LPP: variants seen among roughly 807,000 people sequenced by gnomAD.
LPP encodes the protein lipoma-preferred partner.
LPP carries 38 observed loss-of-function variants against 60.4 expected under a neutral mutation model. The observed-to-expected ratio is 0.63, with a 90% CI of 0.49 to 0.83. LPP has a LOEUF of 0.83. Among genes scored for constraint, LPP ranks in the 40% least tolerant of loss-of-function variants. LPP has a pLI of 0.00. For synonymous variants in LPP, 328 were observed against 290.8 expected, an observed-to-expected ratio of 1.13 and a Z score of -1.30; for missense variants, 902 against 783.6, an observed-to-expected ratio of 1.15 and a Z score of -1.80.
chr3:188,178,515 T>C (rs1723778623), intron 1 of LPP: 1 of 152,280 alleles, frequency 6.6e-6, no homozygotes, highest in Non-Finnish European at 1.5e-5. Flanking sequence ...ATGTTTGTCT[T>C]CTGCCCATTG....
chr3:188,786,505 A>T (rs551932722), intron 9 of LPP, among the ~76,000 whole-genome samples: 1 of 152,006 alleles, frequency 6.6e-6, no homozygotes, highest in Admixed American at 6.6e-5. Flanking sequence ...CATTCTAGAG[A>T]AAGTTTTGGG....
intron 1 of LPP, among the ~76,000 whole-genome samples, chr3:188,203,549 A>T (rs1481545699): frequency 4.8e-5 from 4 of 84,008 alleles, no homozygotes; most frequent in East Asian, 9.9e-4. Flanking sequence ...ATATATATAT[A>T]TTTTTAAATA....
chr3:188,352,330 C>T lies in LPP; in HGVS notation c.-10+10611C>T, dbSNP rs1169019273. Among the ~76,000 whole-genome samples the T allele has an allele frequency of 6.6e-6, 1 of 152,184 alleles. No homozygotes were observed. The highest frequency in any genetic ancestry group is 6.5e-5 in the Admixed American group (1 of 15,278). On this transcript the variant is annotated intron_variant, in intron 3 of 11. Coordinates refer to ENST00000617246, the MANE Select transcript of LPP (RefSeq NM_001375462.1). This position sits in a 1 kb window ranked among gnomAD's most constrained non-coding sequence, Gnocchi z 4.4. The stretch of plus-strand genomic sequence containing the variant: ...CACACGTATTGGCTGCTTTTTCTCC[C>T]CACCTTTGGCAGCTTGTGAGCGGTG...
chr3:188,154,426 G>A (rs1715504178), intron 1 of LPP, among the ~76,000 whole-genome samples, 174 bp downstream of exon 1: 1 of 152,124 alleles, frequency 6.6e-6, no homozygotes, highest in Non-Finnish European at 1.5e-5. Context: ...CGGGGTGCAC[G>A]CCATGGGGGA....
At chr3:188,195,441 TAG>T (rs1729273893) in intron 1 of LPP, among the ~76,000 whole-genome samples, 1 of 152,172 alleles carries the variant, frequency 6.6e-6, no homozygotes, top group Admixed American at 6.6e-5. Context: ...AACGAAGCCG[TAG>T]AGAGTTTACT....
intron 3 of LPP, among the ~76,000 whole-genome samples, chr3:188,371,637 ATATATTTTTTTTTTTT>A (rs1349569886): frequency 5.4e-4 from 16 of 29,548 alleles, no homozygotes; most frequent in South Asian, 5.3e-3. Context: ...ATATATATAT[ATATATTTTTTTTTTTT>A]TTTTTTTTTT....
At chr3:188,608,829 C>T (rs1843016929) in intron 6 of LPP, among the ~76,000 whole-genome samples, 1 of 152,094 alleles carries the variant, frequency 6.6e-6, no homozygotes, top group Non-Finnish European at 1.5e-5. Flanking sequence ...TTGTTTGTGT[C>T]TTGTATAATT....
intron 6 of LPP, among the ~76,000 whole-genome samples, chr3:188,577,892 A>C (rs1253979541): frequency 3.6e-4 from 44 of 121,306 alleles, no homozygotes; most frequent in Admixed American, 4.9e-4. Context: ...TCCTCTCCCC[A>C]CCTCCATCTC....
At chr3:188,564,448 T>G (rs1165153721) in intron 6 of LPP, among the ~76,000 whole-genome samples, 1 of 152,038 alleles carries the variant, frequency 6.6e-6, no homozygotes, top group Non-Finnish European at 1.5e-5. Context: ...TCCCCTATCC[T>G]TCTCTTTTAT....
chr3:188,571,753 A>G (rs771943038), intron 6 of LPP, among the ~76,000 whole-genome samples: 1 of 152,114 alleles, frequency 6.6e-6, no homozygotes, highest in Non-Finnish European at 1.5e-5. Flanking sequence ...CAGCTGGGTA[A>G]CATTCAACAG....
In LPP at chr3:188,250,826, T is replaced by C. The variant is rs13081346; in HGVS notation, c.-67+25299T>C. Reference sequence around the variant, plus strand: ...TTTCTTTCTCTTTCTTTCTTTCTTTTTCTTTCTTTCTTTTCTTTTTCTCTT... The same window carrying C: ...TTTCTTTCTCTTTCTTTCTTTCTTTCTCTTTCTTTCTTTTCTTTTTCTCTT... On this transcript the variant is annotated intron_variant, in intron 2 of 11. Transcript: ENST00000617246. 2.1e-3 allele frequency among the ~76,000 whole-genome samples: 284 copies of C among 137,318 alleles called. 3 individuals carry two copies. Among genetic ancestry groups the C allele is most frequent in the African/African-American group, 7.4e-3 (261 of 35,054 alleles). 90.1% of individuals were successfully genotyped at this position (137,318 alleles called of 152,430 possible). A position where few individuals can be genotyped will look rare whatever the true frequency, so the allele number is the denominator to read the frequency against.
intron 4 of LPP, among the ~76,000 whole-genome samples, chr3:188,430,861 A>G (rs762782159): frequency 8.5e-5 from 13 of 152,050 alleles, no homozygotes; most frequent in Non-Finnish European, 1.9e-4. Flanking sequence ...TTTTATATGT[A>G]GAAGTTATTT....
chr3:188,509,200 C>T (rs1423956557), intron 5 of LPP, among the ~76,000 whole-genome samples: 1 of 152,160 alleles, frequency 6.6e-6, no homozygotes, highest in Middle Eastern at 3.2e-3. Flanking sequence ...TCCTGTAATC[C>T]TCTTTTATAC....
chr3:188,766,608 C>T (rs899343766), intron 9 of LPP, among the ~76,000 whole-genome samples: 4 of 152,152 alleles, frequency 2.6e-5, no homozygotes, highest in Non-Finnish European at 4.4e-5. Context: ...TAATACTTGA[C>T]CCTGGGCCTC....
At chr3:188,175,044 C>A (rs1391404546) in intron 1 of LPP, among the ~76,000 whole-genome samples, 1 of 152,188 alleles carries the variant, frequency 6.6e-6, no homozygotes, top group Non-Finnish European at 1.5e-5. Flanking sequence ...TTTGACACTG[C>A]TGACACTAGA....
chr3:188,538,538 G>A (rs879695645), intron 6 of LPP, among the ~76,000 whole-genome samples: 2 of 152,162 alleles, frequency 1.3e-5, no homozygotes, highest in Admixed American at 6.5e-5. Context: ...AAGACAACAT[G>A]TGTTGGCAAT....
chr3:188,474,471 A>G (rs1579182354), intron 4 of LPP, among the ~76,000 whole-genome samples: 1 of 144,690 alleles, frequency 6.9e-6, no homozygotes, highest in Admixed American at 6.9e-5. Flanking sequence ...AATAAATTAA[A>G]TGCCCTATTT....
At chr3:188,839,778 T>C (rs1218725671) in intron 9 of LPP, among the ~76,000 whole-genome samples, 1 of 152,040 alleles carries the variant, frequency 6.6e-6, no homozygotes, top group African/African-American at 2.4e-5. Context: ...CTCAGGAGGC[T>C]GAGGGAGGAG....
chr3:188,352,927 G>C lies in LPP; in HGVS notation c.-10+11208G>C, dbSNP rs760109542. Among the ~76,000 whole-genome samples the C allele has an allele frequency of 1.3e-5, 2 of 152,174 alleles. No homozygotes were observed. Among genetic ancestry groups the C allele is most frequent in the Non-Finnish European group, 2.9e-5 (2 of 68,008 alleles). ...TCCATCCACAGAAACTTTTCTGGGG[G>C]AGAATGTTTCTTATCAGATTCCGCA... is the stretch of plus-strand genomic sequence containing the variant. On this transcript the variant is annotated intron_variant, in intron 3 of 11. Transcript: ENST00000617246. The surrounding 1 kb of genome is among the most constrained non-coding windows in gnomAD (Gnocchi z 4.4).
Sources: allele counts gnomAD v4.1 joint callset (sites outside exome capture counted in the v4.1 genomes callset), GRCh38; gene constraint gnomAD v4.1.1; non-coding constraint Gnocchi (gnomAD v3.1); transcripts MANE v1.5; gene names NCBI Gene and HGNC (gene_info 2026-07-23, HGNC 2026-07-21).